MINDY2: variants seen among roughly 807,000 people sequenced by gnomAD.
MINDY2 encodes ubiquitin carboxyl-terminal hydrolase MINDY-2.
In MINDY2, 52 loss-of-function variants were observed where a neutral mutation model predicts 68.2. The observed-to-expected ratio is 0.76, with a 90% CI of 0.61 to 0.96. The LOEUF is 0.96. Ranked by LOEUF, MINDY2 falls within the 40% of genes least tolerant of loss-of-function variation. MINDY2 has a pLI of 0.00. For synonymous variants in MINDY2, 372 were observed against 303.0 expected (o/e 1.23, Z -2.36); for missense variants, 881 against 773.4 (o/e 1.14, Z -1.65).
chr15:58,854,059 A>G (rs1356884967), intron 8 of MINDY2, among the ~76,000 whole-genome samples: 1 of 152,010 alleles, frequency 6.6e-6, no homozygotes, highest in African/African-American at 2.4e-5. Flanking sequence ...CCTGGCCAAC[A>G]TAGTGAAACC....
intron 3 of MINDY2, among the ~76,000 whole-genome samples, chr15:58,806,381 A>T (rs528017680): frequency 2.1e-5 from 3 of 140,016 alleles, no homozygotes; most frequent in Non-Finnish European, 4.6e-5. Context: ...TTTTTGAGAC[A>T]GGGTCTCACT....
At chr15:58,791,129 G>A (rs1311182281) in intron 2 of MINDY2, among the ~76,000 whole-genome samples, 4 of 143,874 alleles carry the variant, frequency 2.8e-5, no homozygotes, top group Non-Finnish European at 6.2e-5. Flanking sequence ...GCAGTGAGCC[G>A]AGATCACGCC....
Position 58,772,141 on chromosome 15 carries a change from A to G in MINDY2, c.746A>G (p.Gln249Arg). Residue 249 changes from glutamine to arginine, a missense_variant, in exon 1 of 9, where the codon CAG becomes CGG. Coordinates refer to ENST00000559228, the MANE Select transcript of MINDY2 (RefSeq NM_001040450.3). Reference sequence around the variant, plus strand: ...TCTGTGTATCACATCAAGTGGATCCAGTGGAAGGAAGAGAACACACCCATC... The same window carrying G: ...TCTGTGTATCACATCAAGTGGATCCGGTGGAAGGAAGAGAACACACCCATC... ...GQSVYHIKWIQWKEENTPIIT... is the reference protein window; with the variant it reads ...GQSVYHIKWIRWKEENTPIIT... 1.9e-6 allele frequency: 3 copies of G among 1,614,152 alleles called. No individual in the cohort carries two copies. Among genetic ancestry groups the G allele is most frequent in the Middle Eastern group, 3.3e-4 (2 of 6,062 alleles).
chr15:58,821,576 T>C, intron 4 of MINDY2, 141 bp from the exon 5 acceptor site: 1 of 344,648 alleles, frequency 2.9e-6, no homozygotes, highest in Non-Finnish European at 5.0e-6. Context: ...GGGTGTTGAT[T>C]TTAGTGCTGA....
intron 1 of MINDY2, among the ~76,000 whole-genome samples, chr15:58,785,747 GCTC>G (rs1901456278): frequency 6.6e-6 from 1 of 152,062 alleles, no homozygotes; most frequent in Non-Finnish European, 1.5e-5. Context: ...CACGATCTCT[GCTC>G]ACTGAAGCCT....
At chr15:58,851,699 C>A in intron 7 of MINDY2, 72 bp from the exon 8 acceptor site, 1 of 1,135,732 alleles carries the variant, frequency 8.8e-7, no homozygotes. Flanking sequence ...ATAGATATAA[C>A]GTTTGTATTT....
At chr15:58,831,622 A>C (rs1344679117) in intron 5 of MINDY2, 152 bp from the exon 6 acceptor site, 2 of 580,760 alleles carry the variant, frequency 3.4e-6, no homozygotes, top group East Asian at 6.1e-5. Flanking sequence ...TTAAAAACAC[A>C]AATGTCCAGT....
At chr15:58,806,108 C>G (rs1272583102) in intron 3 of MINDY2, among the ~76,000 whole-genome samples, 7 of 152,200 alleles carry the variant, frequency 4.6e-5, no homozygotes, top group African/African-American at 1.7e-4. Flanking sequence ...AAGTCTCCCT[C>G]TGTTGTACAG....
At chr15:58,792,811 A>C (rs1162508420) in intron 2 of MINDY2, among the ~76,000 whole-genome samples, 3 of 152,202 alleles carry the variant, frequency 2.0e-5, no homozygotes, top group Admixed American at 6.5e-5. Context: ...GGCAAAGTAC[A>C]AAAGACCATA....
chr15:58,825,542 T>A (rs1230667969), intron 5 of MINDY2, among the ~76,000 whole-genome samples: 30 of 152,314 alleles, frequency 2.0e-4, no homozygotes, highest in African/African-American at 7.0e-4. Flanking sequence ...ATTCATTTAA[T>A]TCCAGATGCT....
In MINDY2 at chr15:58,847,266, A is replaced by C. The variant is rs757094928; in HGVS notation, c.1369-31A>C. 5.3e-6 allele frequency: 8 copies of C among 1,508,290 alleles called. No homozygotes were observed. The African/African-American group carries it at 9.7e-5, about 18-fold the overall frequency. 93.4% of individuals were successfully genotyped at this position (1,508,290 alleles called of 1,614,324 possible). On this transcript the variant is annotated intron_variant, in intron 6 of 8. Transcript: ENST00000559228. ...TATTACTAGTTTTGATCAATTTAAC[A>C]GTCCTTTTTCTTTTGTTACTTCTTA...
chr15:58,821,892 T>C (rs2031083709), intron 5 of MINDY2, 73 bp downstream of exon 5: 4 of 970,436 alleles, frequency 4.1e-6, no homozygotes, highest in South Asian at 1.6e-5. Flanking sequence ...TTAATATCTT[T>C]CAAATTTCTT....
intron 6 of MINDY2, among the ~76,000 whole-genome samples, chr15:58,836,944 A>G (rs1472513875): frequency 6.6e-6 from 1 of 152,176 alleles, no homozygotes; most frequent in Non-Finnish European, 1.5e-5. Context: ...TATAAGGGTC[A>G]AAAGCACGTC....
intron 5 of MINDY2, among the ~76,000 whole-genome samples, chr15:58,824,215 ACTT>A (rs1160907400): frequency 1.3e-5 from 2 of 152,220 alleles, no homozygotes; most frequent in African/African-American, 4.8e-5. Context: ...TTCCTTCATT[ACTT>A]CTTTTTCCTT....
At chr15:58,832,737 G>T (rs933004921) in intron 6 of MINDY2, among the ~76,000 whole-genome samples, 1 of 151,438 alleles carries the variant, frequency 6.6e-6, no homozygotes, top group Admixed American at 6.6e-5. Context: ...ATGTTGGTCA[G>T]GCTGGTCTCA....
chr15:58,789,639 GTTTGTTTTTGTTTTT>G (rs1479972014), intron 2 of MINDY2, among the ~76,000 whole-genome samples: 1 of 150,096 alleles, frequency 6.7e-6, no homozygotes, highest in African/African-American at 2.4e-5. Context: ...TGGGTTTTTG[GTTTGTTTTTGTTTTT>G]TTTGTTTTTT....
At chr15:58,818,016 G>A (rs1428507649) in intron 4 of MINDY2, among the ~76,000 whole-genome samples, 1 of 152,174 alleles carries the variant, frequency 6.6e-6, no homozygotes, top group African/African-American at 2.4e-5. Context: ...AGACAAATGA[G>A]TAACCACATT....
chr15:58,786,630 A>G (rs1315753282), intron 1 of MINDY2, among the ~76,000 whole-genome samples: 5 of 152,338 alleles, frequency 3.3e-5, no homozygotes, highest in Admixed American at 1.3e-4. Context: ...AGAAAAATAC[A>G]TAAAACAGAT....
intron 1 of MINDY2, among the ~76,000 whole-genome samples, chr15:58,778,132 T>A (rs531255032): frequency 6.6e-6 from 1 of 152,264 alleles, no homozygotes; most frequent in Admixed American, 6.5e-5. Context: ...ACTTTTTTTT[T>A]ATTTTAGAAA....
Sources: allele counts gnomAD v4.1 joint callset (sites outside exome capture counted in the v4.1 genomes callset), GRCh38; gene constraint gnomAD v4.1.1; transcripts MANE v1.5; gene names NCBI Gene and HGNC (gene_info 2026-07-23, HGNC 2026-07-21).